FAAP20: variants seen among roughly 807,000 people sequenced by gnomAD.
The protein encoded by FAAP20 is FA core complex associated protein 20, also known as Fanconi anemia core complex-associated protein 20.
A neutral mutation model predicts 16.2 loss-of-function variants in FAAP20; 12 were observed. The ratio of observed to expected loss-of-function variants is 0.74; its 90% CI spans 0.48 to 1.20. FAAP20 has a LOEUF of 1.20. FAAP20 is among the 50% of genes most tolerant of loss of function. The pLI is 0.00. For synonymous variants in FAAP20, 141 were observed against 110.7 expected (o/e 1.27, Z -1.72); for missense variants, 288 against 245.8 (o/e 1.17, Z -1.15).
intron 1 of FAAP20, 49 bp downstream of exon 1, chr1:2,194,639 C>A: frequency 1.0e-6 from 1 of 982,714 alleles, no homozygotes; most frequent in Non-Finnish European, 1.2e-6. Flanking sequence ...CCGGGAAGCA[C>A]GTGGGAGCGG....
At chr1:2,197,883 T>C (rs555751490), upstream of FAAP20, 14 of 1,067,970 alleles carry the variant, frequency 1.3e-5, no homozygotes, top group South Asian at 2.2e-4. Flanking sequence ...TCAGGAAGCC[T>C]GACCCCCAAT....
downstream of FAAP20, among the ~76,000 whole-genome samples, chr1:2,208,987 A>G (rs1194486182): frequency 6.6e-6 from 1 of 152,166 alleles, no homozygotes; most frequent in Non-Finnish European, 1.5e-5. Context: ...CAAAGCCCGG[A>G]CCCCACTCAC....
chr1:2,193,943 G>C, intron 2 of FAAP20, 33 bp from the exon 3 acceptor site: 1 of 1,612,260 alleles, frequency 6.2e-7, no homozygotes, highest in Non-Finnish European at 8.5e-7. Context: ...CTTGCCCAGC[G>C]ATGGCTCCCG....
downstream of FAAP20, among the ~76,000 whole-genome samples, chr1:2,187,461 G>A (rs917297039): frequency 2.6e-5 from 4 of 151,724 alleles, no homozygotes; most frequent in Admixed American, 6.6e-5. Context: ...CCTGCCCCAC[G>A]CCCGGCTAAT....
chr1:2,199,657 T>G (rs879569344), upstream of FAAP20: 75 of 983,442 alleles, frequency 7.6e-5, no homozygotes, highest in Non-Finnish European at 8.7e-5. This position sits in a 1 kb window ranked among gnomAD's most constrained non-coding sequence, Gnocchi z 4.5. Context: ...CGAAGACTCA[T>G]GTCCACCAGT....
At chr1:2,198,183 A>G (rs1688899169), upstream of FAAP20, 1 of 1,272,442 alleles carries the variant, frequency 7.9e-7, no homozygotes, top group Non-Finnish European at 1.0e-6. Context: ...TGACACGTGC[A>G]CAGTGGAAAT....
At chr1:2,200,861 C>T (rs1252829562), upstream of FAAP20, 1 of 1,075,046 alleles carries the variant, frequency 9.3e-7, no homozygotes, top group Non-Finnish European at 1.1e-6. Flanking sequence ...CAGGAAACCT[C>T]TGCAGGTGGA....
intron 3 of FAAP20, chr1:2,190,121 C>A (rs1002905002): frequency 1.7e-5 from 9 of 527,486 alleles, no homozygotes; most frequent in Admixed American, 1.6e-4. Context: ...CGGCCTGACC[C>A]GGAGAAAAGG....
In FAAP20 at chr1:2,199,844, G is replaced by C. The variant is rs947059384; in HGVS notation, n.64C>G. 1.2e-5 allele frequency: 2 copies of C among 168,672 alleles called. No homozygotes were observed. The highest frequency in any genetic ancestry group is 4.8e-5 in the African/African-American group (2 of 41,698). The allele number at this position is 168,672 out of a possible 1,614,324, so 10.4% of individuals were successfully genotyped here. On this transcript the variant is annotated non_coding_transcript_exon_variant, in exon 1 of 4. Coordinates refer to the FAAP20 transcript ENST00000401813. The surrounding 1 kb of genome is among the most constrained non-coding windows in gnomAD (Gnocchi z 4.5). ...TGCAATCCCAGCACTTTGGGAGGCCGAGGCGGGCAGATCACTTGAGGTCAG... is the reference window on the plus strand; with the variant it reads ...TGCAATCCCAGCACTTTGGGAGGCCCAGGCGGGCAGATCACTTGAGGTCAG...
upstream of FAAP20, among the ~76,000 whole-genome samples, chr1:2,202,533 G>T (rs376532999): frequency 2.0e-5 from 3 of 151,968 alleles, no homozygotes; most frequent in South Asian, 6.2e-4. Flanking sequence ...GCATGATCTC[G>T]GCTCACTGCA....
At chr1:2,208,764 C>T (rs906274222), downstream of FAAP20, among the ~76,000 whole-genome samples, 7 of 152,210 alleles carry the variant, frequency 4.6e-5, no homozygotes, top group African/African-American at 1.7e-4. Context: ...GGGTTTGGGC[C>T]GGGCCAGGCG....
intron 3 of FAAP20, among the ~76,000 whole-genome samples, chr1:2,204,962 G>GC (rs1264489449): frequency 2.1e-5 from 1 of 47,516 alleles, no homozygotes; most frequent in Admixed American, 2.6e-4. Flanking sequence ...GCCCCGCCCC[G>GC]CCCCCCGGGC....
downstream of FAAP20, among the ~76,000 whole-genome samples, chr1:2,189,378 C>T (rs1015887821): frequency 1.3e-5 from 2 of 152,056 alleles, no homozygotes; most frequent in Admixed American, 1.3e-4. Flanking sequence ...ATGAGCTAAC[C>T]ACGCCTGTCC....
intron 3 of FAAP20, chr1:2,192,460 G>A (rs972122922): frequency 1.0e-6 from 1 of 996,392 alleles, no homozygotes; most frequent in South Asian, 4.4e-5. Context: ...CCTCGTGAAC[G>A]TCCTTGTCTT....
downstream of FAAP20, among the ~76,000 whole-genome samples, chr1:2,209,799 C>T (rs139790405): frequency 2.0e-5 from 3 of 152,356 alleles, no homozygotes; most frequent in Non-Finnish European, 4.4e-5. Flanking sequence ...GCCCTGCTCA[C>T]ACCCCCAGGA....
rs750774097 is a variant in FAAP20, at chr1:2,194,128, G to T, written c.68C>A (p.Ser23Tyr). The T allele has an allele frequency of 2.5e-6, 4 of 1,612,162 alleles. No homozygotes were observed. The highest frequency in any genetic ancestry group is 3.4e-6 in the Non-Finnish European group (4 of 1,179,874). The change falls in exon 2 of 4, where the codon TCT (serine) becomes TAT (tyrosine). Residue 23 changes from serine (S) to tyrosine (Y), a missense_variant. Transcript: ENST00000378546. ...CAGGAGAAACCAGGGGCGGCCGCCA[G>T]AAGGCCTGGGGCAGACAGAGAGGGC... ...RRRPRPAGGPSGGRPWFLLGG... is the reference protein window; with the variant it reads ...RRRPRPAGGPYGGRPWFLLGG...
At position 2,194,013 on chromosome 1, in the gene FAAP20, G is replaced by A. The variant is rs771784738; in HGVS notation, c.183C>T (p.Pro61=). 3.7e-6 allele frequency: 6 copies of A among 1,612,794 alleles called. No homozygotes were observed. The highest frequency in any genetic ancestry group is 5.1e-6 in the Non-Finnish European group (6 of 1,179,956). Residue 61 remains proline (P), a synonymous_variant, in exon 2 of 4, where the codon CCC becomes CCT. Coordinates refer to ENST00000378546, the MANE Select transcript of FAAP20 (RefSeq NM_182533.4). ...GTGGGCACACCTGTCCTGGGAAGGC[G>A]GGCAGTGAAGGCACCTCGTGATCCA... ...LILDHEVPSL[P]AFPGQEPRCG...
At chr1:2,211,925 C>G (rs1225877419), downstream of FAAP20, among the ~76,000 whole-genome samples, 1 of 81,240 alleles carries the variant, frequency 1.2e-5, no homozygotes, top group Non-Finnish European at 2.2e-5. Flanking sequence ...TTTTTTGAGA[C>G]GGAGTCTTGC....
downstream of FAAP20, among the ~76,000 whole-genome samples, chr1:2,211,011 G>C (rs925612961): frequency 6.6e-6 from 1 of 152,156 alleles, no homozygotes; most frequent in Admixed American, 6.5e-5. Flanking sequence ...TGTCTTGCCC[G>C]GGCTGGAGCC....
Sources: gnomAD v4.1 joint callset for allele counts (sites outside exome capture counted in the v4.1 genomes callset) on GRCh38, gnomAD v4.1.1 for gene constraint, Gnocchi (gnomAD v3.1) non-coding constraint, MANE v1.5 for transcripts, NCBI Gene and HGNC (gene_info 2026-07-23, HGNC 2026-07-21) for gene names.